Variants in FBXL2 observed in about 807,000 individuals in gnomAD.
FBXL2 encodes F-box and leucine rich repeat protein 2.
In FBXL2, 38 loss-of-function variants were observed where a neutral mutation model predicts 69.2. The observed-to-expected ratio is 0.55, with a 90% CI of 0.42 to 0.72. FBXL2 has a LOEUF of 0.72. FBXL2 is among the 30% of genes least tolerant of loss of function. The pLI is 0.00. For synonymous variants in FBXL2, 192 were observed against 201.3 expected (o/e 0.95, Z 0.39); for missense variants, 354 against 520.3 (o/e 0.68, Z 3.11).
At chr3:33,363,337 G>A (rs2041758031) in intron 4 of FBXL2, among the ~76,000 whole-genome samples, 2 of 152,192 alleles carry the variant, frequency 1.3e-5, no homozygotes, top group South Asian at 4.1e-4. Context: ...CACTGCACCT[G>A]GCCCCTGTGG....
In FBXL2 at chr3:33,321,978, T is replaced by C. The variant is rs2038263299; in HGVS notation, c.65+24253T>C. Among the ~76,000 whole-genome samples the C allele has an allele frequency of 1.3e-5, 2 of 149,668 alleles. 1 individual carries two copies. The highest frequency in any genetic ancestry group is 4.2e-4 in the South Asian group (2 of 4,716). On this transcript the variant is annotated intron_variant, in intron 2 of 14. Transcript: ENST00000484457. Reference sequence around the variant, plus strand: ...AACAGTTTGTCACTGCCCTGTAAAATCAAACATTGGCATATTCTGTGACCT... The same window carrying C: ...AACAGTTTGTCACTGCCCTGTAAAACCAAACATTGGCATATTCTGTGACCT...
intron 5 of FBXL2, among the ~76,000 whole-genome samples, chr3:33,371,126 T>A (rs2042274462): frequency 6.6e-6 from 1 of 151,948 alleles, no homozygotes; most frequent in Admixed American, 6.6e-5. Flanking sequence ...CTGTTGTTAA[T>A]CTCATCCAGT....
At chr3:33,345,481 A>AT (rs1427018867) in intron 2 of FBXL2, among the ~76,000 whole-genome samples, 6 of 152,228 alleles carry the variant, frequency 3.9e-5, no homozygotes, top group African/African-American at 1.4e-4. Context: ...GAAAGGAAAT[A>AT]TACAGACCAG....
chr3:33,385,508 T>A lies in FBXL2; in HGVS notation c.1172T>A (p.Leu391His). The change falls in exon 15 of 15, where the codon CTC becomes CAC. Residue 391 changes from leucine (L) to histidine (H), a missense_variant. By Grantham distance (99) the Leu-to-His change is moderately conservative (BLOSUM62 -3). Transcript: ENST00000484457. ...RAGIKRMRAQLPHVKVHAYFA... is the reference protein window; with the variant it reads ...RAGIKRMRAQHPHVKVHAYFA... ...TTTTCTTCATCCTTCCAGGCTCAGC[T>A]CCCTCATGTCAAAGTCCACGCCTAC... 1.2e-6 allele frequency: 2 copies of A among 1,613,924 alleles called. No homozygotes were observed. The highest frequency in any genetic ancestry group is 1.7e-6 in the Non-Finnish European group (2 of 1,179,886).
chr3:33,360,517 G>A (rs1455930525), intron 4 of FBXL2, among the ~76,000 whole-genome samples: 2 of 152,140 alleles, frequency 1.3e-5, no homozygotes, highest in Non-Finnish European at 2.9e-5. Flanking sequence ...TCTTGGAAGG[G>A]GGCAGGGACC....
chr3:33,379,521 A>AT (rs950488152), intron 13 of FBXL2, among the ~76,000 whole-genome samples: 11 of 149,086 alleles, frequency 7.4e-5, no homozygotes, highest in East Asian at 6.0e-4. Flanking sequence ...CGCCCAGCAA[A>AT]TTTTTGTATT....
At chr3:33,313,528 C>T (rs1023941984) in intron 2 of FBXL2, among the ~76,000 whole-genome samples, 2 of 152,152 alleles carry the variant, frequency 1.3e-5, no homozygotes, top group African/African-American at 4.8e-5. Flanking sequence ...TTACTGCAAC[C>T]TCAACCTCCT....
intron 4 of FBXL2, among the ~76,000 whole-genome samples, chr3:33,361,924 T>C (rs2041653339): frequency 1.3e-5 from 2 of 152,294 alleles, no homozygotes; most frequent in South Asian, 2.1e-4. Flanking sequence ...ATGGTAACTT[T>C]TGGATATGGT....
At chr3:33,310,308 C>A (rs1285367727) in intron 2 of FBXL2, among the ~76,000 whole-genome samples, 1 of 151,862 alleles carries the variant, frequency 6.6e-6, no homozygotes, top group Admixed American at 6.6e-5. Context: ...CACGCCACCA[C>A]GCCTGGCTAA....
intron 11 of FBXL2, 71 bp from the exon 12 acceptor site, chr3:33,378,032 G>A (rs1240481510): frequency 6.9e-7 from 1 of 1,448,848 alleles, no homozygotes; most frequent in Non-Finnish European, 9.7e-7. Flanking sequence ...TACTCAGAGG[G>A]ATAGGGCAAG....
intron 13 of FBXL2, among the ~76,000 whole-genome samples, chr3:33,381,787 C>G (rs116663849): frequency 8.8e-4 from 134 of 152,168 alleles, no homozygotes; most frequent in African/African-American, 2.6e-3. Flanking sequence ...TCTGGCTTTA[C>G]TCTTAATTCT....
chr3:33,378,540 T>C, intron 12 of FBXL2, 145 bp from the exon 13 acceptor site: 1 of 735,378 alleles, frequency 1.4e-6, no homozygotes, highest in Non-Finnish European at 2.2e-6. Context: ...AGAGTGCTGG[T>C]GAAGAGAGGA....
rs2042419422 is a variant in FBXL2 at position 33,373,331 on chromosome 3, C to CA, written c.434dup (p.Asn145LysfsTer9). 1 of 1,613,490 alleles carries CA rather than the reference C, an allele frequency of 6.2e-7. No homozygotes were observed. The highest frequency in any genetic ancestry group is 2.2e-5 in the East Asian group (1 of 44,876). Reference sequence around the variant, plus strand: ...GATCTGACCTCCTGTGTGTCTATTACAAACAGCTCCTTGAAGGGGATCAGG... The same window carrying CA: ...GATCTGACCTCCTGTGTGTCTATTACAAAACAGCTCCTTGAAGGGGATCAGG... On this transcript the variant is annotated frameshift_variant, in exon 7 of 15. Transcript: ENST00000484457. LOFTEE classifies it high-confidence loss of function.
At chr3:33,325,422 G>T (rs1368760083) in intron 2 of FBXL2, among the ~76,000 whole-genome samples, 4 of 152,164 alleles carry the variant, frequency 2.6e-5, no homozygotes, top group African/African-American at 9.7e-5. Flanking sequence ...GATATTGGTT[G>T]TGTGTTTGTC....
At chr3:33,381,838 C>A (rs1351415642) in intron 13 of FBXL2, among the ~76,000 whole-genome samples, 2 of 152,118 alleles carry the variant, frequency 1.3e-5, no homozygotes, top group African/African-American at 4.8e-5. Context: ...TACATAAATA[C>A]TATTTGATGT....
chr3:33,377,390 GTGACT>G (rs2042711224), intron 11 of FBXL2, 57 bp downstream of exon 11: 1 of 1,552,198 alleles, frequency 6.4e-7, no homozygotes, highest in East Asian at 2.2e-5. Flanking sequence ...CGAATTCAAA[GTGACT>G]TGGAGTGGTT....
chr3:33,331,213 A>G (rs1218214784), intron 2 of FBXL2, among the ~76,000 whole-genome samples: 1 of 151,868 alleles, frequency 6.6e-6, no homozygotes, highest in African/African-American at 2.4e-5. Flanking sequence ...TAACTTTGGA[A>G]TGGGACTAGC....
chr3:33,291,003 G>T (rs758076223), intron 1 of FBXL2, among the ~76,000 whole-genome samples: 1 of 151,500 alleles, frequency 6.6e-6, no homozygotes, highest in African/African-American at 2.4e-5. Context: ...GAATATAGCC[G>T]ACTATAGCCT....
At chr3:33,341,200 G>A (rs979694058) in intron 2 of FBXL2, among the ~76,000 whole-genome samples, 1 of 152,100 alleles carries the variant, frequency 6.6e-6, no homozygotes, top group Admixed American at 6.5e-5. Context: ...ACCTGAAATT[G>A]ATCAATTTTA....
Sources: allele counts gnomAD v4.1 joint callset (sites outside exome capture counted in the v4.1 genomes callset), GRCh38; gene constraint gnomAD v4.1.1; transcripts MANE v1.5; gene names NCBI Gene and HGNC (gene_info 2026-07-23, HGNC 2026-07-21).